The following GCLC variants were observed in gnomAD, a reference collection of about 807,000 sequenced individuals.
GCLC encodes glutamate--cysteine ligase catalytic subunit.
GCLC carries 30 observed loss-of-function variants against 81.5 expected under a neutral mutation model. The observed-to-expected ratio is 0.37, with a 90% CI of 0.28 to 0.50. The LOEUF (loss-of-function observed/expected upper bound fraction) is 0.50. Among genes scored for constraint, GCLC ranks in the 20% least tolerant of loss-of-function variants. GCLC has a pLI of 0.96. For missense variants in GCLC, 556 were observed against 777.4 expected, an observed-to-expected ratio of 0.72 and a Z score of 3.39; for synonymous variants, 262 against 273.3, an observed-to-expected ratio of 0.96 and a Z score of 0.41.
intron 2 of GCLC, among the ~76,000 whole-genome samples, chr6:53,521,867 G>A (rs1200025100): frequency 7.9e-5 from 12 of 152,118 alleles, no homozygotes; most frequent in Non-Finnish European, 7.3e-5. Context: ...CCAGCTACTC[G>A]GGAGGGTGAG....
intron 4 of GCLC, among the ~76,000 whole-genome samples, chr6:53,515,747 T>C (rs907321775): frequency 6.6e-6 from 1 of 151,108 alleles, no homozygotes; most frequent in African/African-American, 2.4e-5. Context: ...CAGATACTGA[T>C]GGTTAGAGAG....
At chr6:53,522,874 A>T (rs543364010) in intron 1 of GCLC, 2 of 243,310 alleles carry the variant, frequency 8.2e-6, no homozygotes, top group East Asian at 2.0e-4. Context: ...GCATTTTAAA[A>T]TTTATTTCCT....
At chr6:53,519,859 T>C (rs1442745686) in intron 3 of GCLC, among the ~76,000 whole-genome samples, 1 of 152,070 alleles carries the variant, frequency 6.6e-6, no homozygotes, top group Admixed American at 6.5e-5. Context: ...ATTTAGATGT[T>C]ACAGTAGAGA....
intron 6 of GCLC, chr6:53,513,982 T>A (rs1294828671): frequency 1.7e-6 from 1 of 591,256 alleles, no homozygotes; most frequent in Non-Finnish European, 3.0e-6. Context: ...ATATATACCG[T>A]ATATACCTTT....
chr6:53,502,579 C>G (rs1764534266), intron 12 of GCLC, among the ~76,000 whole-genome samples: 1 of 152,214 alleles, frequency 6.6e-6, no homozygotes, highest in Admixed American at 6.5e-5. Flanking sequence ...CTTTCTCTAT[C>G]CCATTTAATA....
Position 53,498,880 on chromosome 6 carries a change from A to G in GCLC, c.1790T>C (p.Met597Thr). The change falls in exon 16 of 16, where the codon ATG becomes ACG. Residue 597 changes from methionine to threonine, a missense_variant. Coordinates refer to ENST00000650454, the MANE Select transcript of GCLC (RefSeq NM_001498.4). The part of the protein sequence containing the change: ...YKQDSVITDE[M>T]NYSLILKCNQ... ...ACACTTCAAAATAAGGCTATAATTCATTTCATCAGTTATGACACTGTCTTG... is the reference window on the plus strand; with the variant it reads ...ACACTTCAAAATAAGGCTATAATTCGTTTCATCAGTTATGACACTGTCTTG... 1.2e-6 allele frequency: 2 copies of G among 1,612,290 alleles called. No homozygotes were observed. Among genetic ancestry groups the G allele is most frequent in the Non-Finnish European group, 1.7e-6 (2 of 1,178,464 alleles).
At chr6:53,505,217 T>C (rs1764590314) in intron 12 of GCLC, 175 bp downstream of exon 12, 1 of 590,400 alleles carries the variant, frequency 1.7e-6, no homozygotes, top group Admixed American at 2.9e-5. Context: ...ATGGAAAGCG[T>C]CTAGAAATTA....
At chr6:53,511,807 G>T (rs1764750765) in intron 6 of GCLC, among the ~76,000 whole-genome samples, 1 of 147,074 alleles carries the variant, frequency 6.8e-6, no homozygotes, top group Non-Finnish European at 1.5e-5. Context: ...TGGGGTTGGG[G>T]GTGGAGGGAG....
At chr6:53,533,844 G>C (rs1763213317) in intron 1 of GCLC, among the ~76,000 whole-genome samples, 1 of 150,832 alleles carries the variant, frequency 6.6e-6, no homozygotes, top group Non-Finnish European at 1.5e-5. Flanking sequence ...GCCCAGGCTG[G>C]AGTGCAATGG....
At chr6:53,500,765 T>C in intron 12 of GCLC, 4 of 536,240 alleles carry the variant, frequency 7.5e-6, no homozygotes, top group Non-Finnish European at 1.3e-5. Flanking sequence ...CTTATATTCA[T>C]GTGGAACGTC....
intron 1 of GCLC, among the ~76,000 whole-genome samples, chr6:53,539,699 A>G (rs1404974525): frequency 1.3e-5 from 2 of 152,170 alleles, no homozygotes; most frequent in Non-Finnish European, 2.9e-5. Flanking sequence ...AAAGCCCAAC[A>G]TATCACATCC....
intron 6 of GCLC, among the ~76,000 whole-genome samples, chr6:53,510,661 A>T (rs547470806): frequency 6.6e-6 from 1 of 152,292 alleles, no homozygotes; most frequent in African/African-American, 2.4e-5. Flanking sequence ...AGTGTTTAAG[A>T]CTTGAAATAA....
chr6:53,544,262 G>C (rs557626544), intron 1 of GCLC, among the ~76,000 whole-genome samples: 1 of 152,204 alleles, frequency 6.6e-6, no homozygotes, highest in Non-Finnish European at 1.5e-5. Context: ...ATGGAATGAA[G>C]GGGAAAACCC....
Position 53,517,463 on chromosome 6 carries a change from A to G in GCLC, c.447-1241T>C, listed in dbSNP as rs187331688. Among the ~76,000 whole-genome samples, 911 of 152,022 alleles carry G rather than the reference A, an allele frequency of 6.0e-3. 7 individuals are homozygous for G. Among genetic ancestry groups the G allele is most frequent in the African/African-American group, 0.021 (874 of 41,424 alleles). On this transcript the variant is annotated intron_variant, in intron 3 of 15. Transcript: ENST00000650454. ...AATAAAGTATCTGTTGCCTGCCCAA[A>G]TCCACCTTGTAAACAATTGAAGGTA...
intron 1 of GCLC, among the ~76,000 whole-genome samples, chr6:53,530,360 C>G (rs1273455283): frequency 3.3e-5 from 5 of 152,212 alleles, no homozygotes; most frequent in Non-Finnish European, 7.3e-5. Context: ...AACAGAGTAA[C>G]TGTAACCTGT....
intron 9 of GCLC, 88 bp from the exon 10 acceptor site, chr6:53,507,113 A>G: frequency 1.3e-6 from 1 of 792,140 alleles, no homozygotes; most frequent in Non-Finnish European, 2.2e-6. Flanking sequence ...TAGCTCAGGA[A>G]GTTTGAAGAA....
chr6:53,524,918 A>C (rs2127626411), intron 1 of GCLC, among the ~76,000 whole-genome samples: 1 of 152,372 alleles, frequency 6.6e-6, no homozygotes, highest in South Asian at 2.1e-4. Flanking sequence ...ACAAAAAGTT[A>C]AAGCTCATTC....
chr6:53,508,570 G>A (rs748309812), intron 8 of GCLC, 25 bp downstream of exon 8: 6 of 1,304,412 alleles, frequency 4.6e-6, no homozygotes, highest in Non-Finnish European at 6.7e-6. Flanking sequence ...ACTTAAAAGG[G>A]CTATTAAGGA....
At position 53,498,915 on chromosome 6, in the gene GCLC, A is replaced by C; in HGVS notation, c.1755T>G (p.Pro585=). The C allele has an allele frequency of 1.2e-6, 2 of 1,613,832 alleles. No individual in the cohort carries two copies. Among genetic ancestry groups the C allele is most frequent in the Non-Finnish European group, 1.7e-6 (2 of 1,179,718 alleles). ...TTATGACACTGTCTTGCTTGTAGTC[A>C]GGATGGTTTGCGATAAACTCCCTCA... The part of the protein sequence containing the change: ...RWMREFIANH[P]DYKQDSVITD... Residue 585 remains proline, a synonymous_variant, in exon 16 of 16, where the codon CCT becomes CCG. Transcript: ENST00000650454.
Sources: gnomAD v4.1 joint callset for allele counts (sites outside exome capture counted in the v4.1 genomes callset) on GRCh38, gnomAD v4.1.1 for gene constraint, MANE v1.5 for transcripts, NCBI Gene and HGNC (gene_info 2026-07-23, HGNC 2026-07-21) for gene names.